Variants in ATP11B observed in about 807,000 individuals in gnomAD.
ATP11B encodes the protein phospholipid-transporting ATPase IF.
In ATP11B, 81 loss-of-function variants were observed where a neutral mutation model predicts 157.8. The ratio of observed to expected loss-of-function variants is 0.51; its 90% CI spans 0.43 to 0.62. The LOEUF is 0.62. ATP11B is among the 20% of genes least tolerant of loss of function. The pLI is 0.00. For synonymous variants in ATP11B, 451 were observed against 469.4 expected, an observed-to-expected ratio of 0.96 and a Z score of 0.51; for missense variants, 1,165 against 1,402.2, an observed-to-expected ratio of 0.83 and a Z score of 2.70.
chr3:182,876,449 C>T (rs1308844572), intron 19 of ATP11B, among the ~76,000 whole-genome samples: 1 of 152,156 alleles, frequency 6.6e-6, no homozygotes, highest in East Asian at 1.9e-4. Context: ...GTAGAGTACA[C>T]TCTTAAAGTG....
In ATP11B at chr3:182,920,209, A is replaced by T. The variant is rs1214706346; in HGVS notation, c.*2105A>T. On this transcript the variant is annotated 3_prime_UTR_variant, in exon 30 of 30. Transcript: ENST00000323116. ...CGCCTATAATGGTGCTTAAAGTGTGATTGATGTAATTTTCTGTACTCACCA... is the reference window on the plus strand; with the variant it reads ...CGCCTATAATGGTGCTTAAAGTGTGTTTGATGTAATTTTCTGTACTCACCA... The T allele has an allele frequency of 2.0e-5, 3 of 152,170 alleles. No homozygotes were observed. Among genetic ancestry groups the T allele is most frequent in the Non-Finnish European group, 4.4e-5 (3 of 68,024 alleles). 9.4% of individuals were successfully genotyped at this position (152,170 alleles called of 1,614,324 possible). A position where few individuals can be genotyped will look rare whatever the true frequency, so the allele number is the denominator to read the frequency against.
intron 6 of ATP11B, chr3:182,836,751 TTTATA>T: frequency 2.0e-6 from 1 of 489,778 alleles, no homozygotes; most frequent in Non-Finnish European, 3.6e-6. Context: ...AAGGGACAAA[TTTATA>T]TTTTCTCAGT....
chr3:182,812,086 TC>T (rs1434657522), intron 1 of ATP11B, among the ~76,000 whole-genome samples: 6 of 152,240 alleles, frequency 3.9e-5, no homozygotes, highest in Admixed American at 3.3e-4. Flanking sequence ...ACCCAGGACA[TC>T]TTTTTTTACT....
rs1462609487 is a variant in ATP11B at position 182,874,085 on chromosome 3, A to G, written c.2252+70A>G. 3.7e-6 allele frequency: 5 copies of G among 1,367,926 alleles called. No homozygotes were observed. In the East Asian group the frequency reaches 7.4e-5, roughly 20 times the overall value. The allele number at this position is 1,367,926 out of a possible 1,614,324, so 84.7% of individuals were successfully genotyped here. ...ACTATGGTTCCCTGGGCCCGATGAT[A>G]TAGCCCACTGTCACTGCCTGTTTTT... On this transcript the variant is annotated intron_variant, in intron 19 of 29. Transcript: ENST00000323116.
At position 182,915,847 on chromosome 3, in the gene ATP11B, G is replaced by A. The variant is rs910840214; in HGVS notation, c.3452+1853G>A. On this transcript the variant is annotated intron_variant, in intron 29 of 29. Transcript: ENST00000323116. ...TATACTTCTTTTCACTTAAAATTGC[G>A]CCATATTGTTTTTTTCTGAATTTTT... The A allele has an allele frequency of 1.6e-5, 16 of 972,088 alleles. No homozygotes were observed. The South Asian group carries it at 1.9e-4, about 12-fold the overall frequency. The allele number at this position is 972,088 out of a possible 1,614,324, so 60.2% of individuals were successfully genotyped here.
intron 12 of ATP11B, among the ~76,000 whole-genome samples, chr3:182,863,182 G>A (rs1343939721): frequency 1.3e-5 from 2 of 152,234 alleles, no homozygotes; most frequent in East Asian, 1.9e-4. Context: ...GGGATTACAA[G>A]CATGAGCCAC....
intron 27 of ATP11B, among the ~76,000 whole-genome samples, chr3:182,897,661 G>C (rs1266111788): frequency 6.6e-6 from 1 of 151,788 alleles, no homozygotes; most frequent in Non-Finnish European, 1.5e-5. Flanking sequence ...TGTAGAAACT[G>C]AGCCTCAGGA....
chr3:182,804,479 C>T (rs1464565110), intron 1 of ATP11B, among the ~76,000 whole-genome samples: 6 of 152,070 alleles, frequency 3.9e-5, no homozygotes, highest in African/African-American at 7.2e-5. Context: ...GTGATCCGCT[C>T]GCCTTGGCCT....
At chr3:182,803,675 A>G (rs1262779584) in intron 1 of ATP11B, among the ~76,000 whole-genome samples, 1 of 152,200 alleles carries the variant, frequency 6.6e-6, no homozygotes, top group Non-Finnish European at 1.5e-5. Context: ...ATTTTTGTAT[A>G]TGGAATAAGG....
chr3:182,859,606 A>G (rs1720678633), intron 12 of ATP11B, among the ~76,000 whole-genome samples: 1 of 152,180 alleles, frequency 6.6e-6, no homozygotes. Context: ...ATATAAAGAC[A>G]TAACTCTTAC....
intron 1 of ATP11B, among the ~76,000 whole-genome samples, chr3:182,811,045 C>T (rs1263532952): frequency 1.3e-5 from 2 of 150,922 alleles, no homozygotes; most frequent in Admixed American, 1.3e-4. Flanking sequence ...TAAATAAAAT[C>T]TATTTCAGTA....
At chr3:182,835,294 A>T (rs1462873349) in intron 4 of ATP11B, among the ~76,000 whole-genome samples, 1 of 152,198 alleles carries the variant, frequency 6.6e-6, no homozygotes, top group East Asian at 1.9e-4. Flanking sequence ...GTTGTTTAAG[A>T]AAGTAAAAGA....
In ATP11B at chr3:182,805,194, A is replaced by G. The variant is rs1223971632; in HGVS notation, c.27+11408A>G. 2.6e-5 allele frequency among the ~76,000 whole-genome samples: 4 copies of G among 152,198 alleles called. No individual in the cohort carries two copies. In the East Asian group the frequency reaches 7.7e-4, roughly 29 times the overall value. On this transcript the variant is annotated intron_variant, in intron 1 of 29. Coordinates refer to ENST00000323116, the MANE Select transcript of ATP11B (RefSeq NM_014616.3). ...AACTCTGTTTTTAACTTTGTGAGGA[A>G]TTGCCAAAGTGTTTTCCAAACTATC...
At chr3:182,799,496 C>T (rs1192501006) in intron 1 of ATP11B, among the ~76,000 whole-genome samples, 2 of 151,832 alleles carry the variant, frequency 1.3e-5, no homozygotes, top group Non-Finnish European at 2.9e-5. Context: ...AGGATGGTCT[C>T]GATCTCCTGA....
intron 28 of ATP11B, among the ~76,000 whole-genome samples, chr3:182,901,629 T>G (rs1723975510): frequency 6.6e-6 from 1 of 152,186 alleles, no homozygotes; most frequent in East Asian, 1.9e-4. Context: ...AATTCTACTT[T>G]AGGCAGAGCA....
At chr3:182,869,485 T>G (rs74389605) in intron 17 of ATP11B, among the ~76,000 whole-genome samples, 154 bp downstream of exon 17, 7,941 of 152,312 alleles carry the variant, frequency 0.052, 300 homozygotes, top group Non-Finnish European at 0.081. Context: ...AAAACTGACT[T>G]TTAACGCAAG....
At chr3:182,888,211 A>T (rs1326710687) in intron 24 of ATP11B, among the ~76,000 whole-genome samples, 2 of 152,176 alleles carry the variant, frequency 1.3e-5, no homozygotes, top group Non-Finnish European at 2.9e-5. Context: ...TATGGTATTC[A>T]CCATAAGCTC....
intron 10 of ATP11B, among the ~76,000 whole-genome samples, chr3:182,857,016 TAAAGA>T (rs1330874143): frequency 2.0e-5 from 3 of 152,352 alleles, no homozygotes; most frequent in Non-Finnish European, 2.9e-5. Context: ...GCTTACCTAA[TAAAGA>T]GAAGAGGGAT....
At chr3:182,874,165 GAA>G (rs2108552008) in intron 19 of ATP11B, 150 bp downstream of exon 19, 1 of 646,526 alleles carries the variant, frequency 1.5e-6, no homozygotes, top group South Asian at 2.1e-5. Flanking sequence ...GAAATCCAAA[GAA>G]GAAGAATATT....
Sources: allele counts gnomAD v4.1 joint callset (sites outside exome capture counted in the v4.1 genomes callset), GRCh38; gene constraint gnomAD v4.1.1; transcripts MANE v1.5; gene names NCBI Gene and HGNC (gene_info 2026-07-23, HGNC 2026-07-21).